CAPN8: variants seen among roughly 807,000 people sequenced by gnomAD.
CAPN8 encodes calpain 8, also known as calpain-8.
In CAPN8, 87 loss-of-function variants were observed where a neutral mutation model predicts 80.9. The ratio of observed to expected loss-of-function variants is 1.07; its 90% CI spans 0.90 to 1.28. The LOEUF (loss-of-function observed/expected upper bound fraction) is 1.28, where lower values mean the gene tolerates loss of function less well. Among genes scored for constraint, CAPN8 ranks in the 50% most tolerant of loss-of-function variants. The probability of loss-of-function intolerance (pLI) is 0.00; values close to 1 mark genes in which losing one functional copy is unlikely to be tolerated. For missense variants in CAPN8, 757 were observed against 702.0 expected (o/e 1.08, Z -0.89); for synonymous variants, 299 against 273.8 (o/e 1.09, Z -0.91).
rs530701783 is a variant in CAPN8 at position 223,544,144 on chromosome 1, A to G, written c.1952T>C (p.Leu651Pro). 1.4e-5 allele frequency: 10 copies of G among 718,354 alleles called. No individual in the cohort carries two copies. Among genetic ancestry groups the G allele is most frequent in the Admixed American group, 4.0e-5 (2 of 50,018 alleles). 44.5% of individuals were successfully genotyped at this position (718,354 alleles called of 1,614,324 possible). Residue 651 changes from leucine (L) to proline (P), a missense_variant, in exon 19 of 21, where the codon CTG becomes CCG. Transcript: ENST00000366872. ...GCCAAGCTTGCTGCACGCATACCGC[A>G]GGGCAATGGTCTGCTGCACCTGGCT... ...LNSQVQQTIA[L>P]RYACSKLGIN...
At chr1:223,552,520 A>G (rs1266223299) in intron 14 of CAPN8, among the ~76,000 whole-genome samples, 1 of 139,868 alleles carries the variant, frequency 7.1e-6, no homozygotes, top group East Asian at 2.2e-4. Context: ...GCCGTGCACC[A>G]CTGCACTCCA....
At chr1:223,547,064 C>T (rs1251724120) in intron 16 of CAPN8, among the ~76,000 whole-genome samples, 1 of 152,154 alleles carries the variant, frequency 6.6e-6, no homozygotes, top group African/African-American at 2.4e-5. Context: ...CAGACATGTG[C>T]CATCACGCCT....
rs764181362 is a variant in CAPN8, at chr1:223,543,178, G to A, written c.2030-12C>T. ...AAGGCTGAATAGTTCTAAAACACCA[G>A]AGAAGGAAATGAAATTAGATAAGGC... On this transcript the variant is annotated splice_polypyrimidine_tract_variant and intron_variant, in intron 19 of 20. Transcript: ENST00000366872. 1 of 1,551,534 alleles carries A rather than the reference G, an allele frequency of 6.4e-7. No homozygotes were observed.
chr1:223,654,169 G>A (rs1052190371), intron 2 of CAPN8, among the ~76,000 whole-genome samples, 161 bp downstream of exon 2: 1 of 152,172 alleles, frequency 6.6e-6, no homozygotes, highest in African/African-American at 2.4e-5. Flanking sequence ...CCAGCATTTG[G>A]ACTCACAGTG....
At chr1:223,636,932 C>A (rs534694213) in intron 2 of CAPN8, among the ~76,000 whole-genome samples, 1 of 152,194 alleles carries the variant, frequency 6.6e-6, no homozygotes, top group South Asian at 2.1e-4. Context: ...TTCTGTTTCC[C>A]CCCTTTTTCT....
chr1:223,639,678 G>A (rs1657996491), intron 2 of CAPN8, among the ~76,000 whole-genome samples: 1 of 152,224 alleles, frequency 6.6e-6, no homozygotes, highest in African/African-American at 2.4e-5. Context: ...CTGGTTTTGA[G>A]GGCTGCCCAA....
chr1:223,656,437 G>A (rs953662591), intron 1 of CAPN8, among the ~76,000 whole-genome samples: 1 of 151,880 alleles, frequency 6.6e-6, no homozygotes, highest in Non-Finnish European at 1.5e-5. Flanking sequence ...TCCAGCTTGG[G>A]CAACAAGAGC....
chr1:223,628,291 A>T, intron 3 of CAPN8, 149 bp from the exon 4 acceptor site: 3 of 952,528 alleles, frequency 3.1e-6, no homozygotes, highest in Non-Finnish European at 4.5e-6. Flanking sequence ...TTATCTGTGC[A>T]CATAGGAGAT....
In CAPN8 at chr1:223,654,363, C is replaced by A; in HGVS notation, c.274G>T (p.Ala92Ser). ...CCCTGACAAATGTCTGTGCGCGTGG[C>A]TCCACCAACGATAAACTGAGGGCTG... ...CPSPQFIVGG[A>S]TRTDICQGGL... The change falls in exon 2 of 21, where the codon GCC (alanine) becomes TCC (serine). Residue 92 changes from alanine (A) to serine (S), a missense_variant. Coordinates refer to ENST00000366872, the MANE Select transcript of CAPN8 (RefSeq NM_001143962.2). 3.9e-6 allele frequency: 6 copies of A among 1,551,716 alleles called. No homozygotes were observed. The highest frequency in any genetic ancestry group is 5.2e-6 in the Non-Finnish European group (6 of 1,146,992).
intron 2 of CAPN8, among the ~76,000 whole-genome samples, chr1:223,645,243 A>G (rs1450091743): frequency 2.6e-5 from 4 of 152,198 alleles, no homozygotes; most frequent in African/African-American, 4.8e-5. Flanking sequence ...CATATTCCTC[A>G]GCCTGCTTTT....
intron 4 of CAPN8, 135 bp from the exon 5 acceptor site, chr1:223,627,292 G>A: frequency 2.0e-6 from 2 of 985,220 alleles, no homozygotes; most frequent in East Asian, 2.6e-5. Context: ...TTGCCTATGG[G>A]CCAGGAAGGT....
chr1:223,624,669 A>G lies in CAPN8; in HGVS notation c.813+1136T>C, dbSNP rs186659026. Among the ~76,000 whole-genome samples, 11 of 152,090 alleles carry G rather than the reference A, an allele frequency of 7.2e-5. No homozygotes were observed. The East Asian group carries it at 1.9e-3, about 27-fold the overall frequency. ...GTTGAGGCTGCAGTGAGCCAAGATCATGCAACTGCAGTCCCACCTGGGCAA... is the reference window on the plus strand; with the variant it reads ...GTTGAGGCTGCAGTGAGCCAAGATCGTGCAACTGCAGTCCCACCTGGGCAA... On this transcript the variant is annotated intron_variant, in intron 6 of 20. Transcript: ENST00000366872.
intron 13 of CAPN8, among the ~76,000 whole-genome samples, chr1:223,555,103 G>T (rs1302868488): frequency 2.6e-5 from 4 of 152,206 alleles, no homozygotes; most frequent in African/African-American, 9.6e-5. Context: ...AATAATACTT[G>T]TCTTTGTTGA....
chr1:223,643,573 C>G (rs1467565685), intron 2 of CAPN8, among the ~76,000 whole-genome samples: 1 of 152,196 alleles, frequency 6.6e-6, no homozygotes, highest in Non-Finnish European at 1.5e-5. Context: ...AGAAAGGAAG[C>G]AAAACTCTTA....
chr1:223,609,334 G>A lies in CAPN8; in HGVS notation c.1354C>T (p.Arg452Trp), dbSNP rs1572227589. 6 of 398,508 alleles carry A rather than the reference G, an allele frequency of 1.5e-5. No homozygotes were observed. The highest frequency in any genetic ancestry group is 7.1e-5 in the East Asian group (2 of 28,052). The allele number at this position is 398,508 out of a possible 1,614,324, so 24.7% of individuals were successfully genotyped here. A position where few individuals can be genotyped will look rare whatever the true frequency, so the allele number is the denominator to read the frequency against. ...LESHTDAHLG[R>W]DFFLAYQPSA... is the part of the protein sequence containing the mutation. ...GGCTGGTAGGCCAGGAAGAAATCCC[G>A]GCCCAAGTGTGCGTCCGTGTGACTC... Residue 452 changes from arginine to tryptophan, a missense_variant, in exon 12 of 21, where the codon CGG becomes TGG. Coordinates refer to ENST00000366872, the MANE Select transcript of CAPN8 (RefSeq NM_001143962.2).
Position 223,656,676 on chromosome 1 carries a change from G to GTT in CAPN8, c.238-2279_238-2278dup, listed in dbSNP as rs201821198. Among the ~76,000 whole-genome samples, 75 of 88,342 alleles carry GTT rather than the reference G, an allele frequency of 8.5e-4. 5 individuals carry two copies. Among genetic ancestry groups the GTT allele is most frequent in the African/African-American group, 2.3e-3 (59 of 25,348 alleles). The allele number at this position is 88,342 out of a possible 152,430, so 58.0% of individuals were successfully genotyped here. A position where few individuals can be genotyped will look rare whatever the true frequency, so the allele number is the denominator to read the frequency against. ...ACATACACACGTTTTGGGTTTTTTT[G>GTT]TTTTGTTTTTTTTTTTTTTTTTTTT... is the stretch of plus-strand genomic sequence containing the variant. On this transcript the variant is annotated intron_variant, in intron 1 of 20. Coordinates refer to ENST00000366872, the MANE Select transcript of CAPN8 (RefSeq NM_001143962.2).
intron 7 of CAPN8, among the ~76,000 whole-genome samples, chr1:223,622,303 C>T (rs1206696256): frequency 2.0e-5 from 3 of 152,192 alleles, no homozygotes; most frequent in Non-Finnish European, 4.4e-5. Context: ...CAAGAGGAGT[C>T]TCTCCAGTCA....
intron 18 of CAPN8, 143 bp from the exon 19 acceptor site, chr1:223,544,326 G>T: frequency 1.6e-6 from 1 of 613,542 alleles, no homozygotes; most frequent in Non-Finnish European, 2.9e-6. Flanking sequence ...GCCTTCTCCA[G>T]GGGATCCCAG....
chr1:223,558,931 A>ATGTGTGTGGTG (rs1656965569), intron 12 of CAPN8, among the ~76,000 whole-genome samples: 1 of 34 alleles, frequency 0.029, no homozygotes, highest in African/African-American at 0.036. Flanking sequence ...CATGATGTTC[A>ATGTGTGTGGTG]TGTGNNNNNN....
Sources: gnomAD v4.1 joint callset for allele counts (sites outside exome capture counted in the v4.1 genomes callset) on GRCh38, gnomAD v4.1.1 for gene constraint, MANE v1.5 for transcripts, NCBI Gene and HGNC (gene_info 2026-07-23, HGNC 2026-07-21) for gene names.